The following APBB1IP variants were observed in gnomAD, a reference collection of about 807,000 sequenced individuals.
The protein encoded by APBB1IP is amyloid beta precursor protein binding family B member 1 interacting protein.
In APBB1IP, 27 loss-of-function variants were observed where a neutral mutation model predicts 64.9. That is an observed-to-expected ratio of 0.42 (90% confidence interval 0.31 to 0.57). The LOEUF (loss-of-function observed/expected upper bound fraction) is 0.57, where lower values mean the gene tolerates loss of function less well. Among genes scored for constraint, APBB1IP ranks in the 20% least tolerant of loss-of-function variants. The pLI, the probability that APBB1IP is intolerant of heterozygous loss-of-function variation, is 0.20. For missense variants in APBB1IP, 812 were observed against 845.5 expected, an observed-to-expected ratio of 0.96 and a Z score of 0.49; for synonymous variants, 392 against 331.0, an observed-to-expected ratio of 1.18 and a Z score of -2.00.
chr10:26,483,039 G>A (rs1835853776), intron 2 of APBB1IP, among the ~76,000 whole-genome samples: 1 of 131,970 alleles, frequency 7.6e-6, no homozygotes, highest in Non-Finnish European at 1.5e-5. Context: ...GCAGTGAGCC[G>A]AGATCACACC....
intron 8 of APBB1IP, among the ~76,000 whole-genome samples, chr10:26,523,455 G>A (rs978668934): frequency 1.3e-5 from 2 of 152,198 alleles, no homozygotes; most frequent in African/African-American, 4.8e-5. Context: ...GGGCCTTTGA[G>A]CCTTACCCTG....
At position 26,444,038 on chromosome 10, in the gene APBB1IP, G is replaced by A. The variant is rs182337103; in HGVS notation, c.-1+5185G>A. On this transcript the variant is annotated intron_variant, in intron 2 of 14. Coordinates refer to ENST00000376236, the MANE Select transcript of APBB1IP (RefSeq NM_019043.4). ...ATAGGTATTAGTAAGCGAAAAGCAA[G>A]GTGAAGTTGCAATATGCGATAAGGT... 3.6e-3 allele frequency among the ~76,000 whole-genome samples: 550 copies of A among 152,308 alleles called. 4 individuals are homozygous for A. The highest frequency in any genetic ancestry group is 0.012 in the African/African-American group (507 of 41,560).
At chr10:26,499,438 G>A (rs10764626) in intron 4 of APBB1IP, among the ~76,000 whole-genome samples, 1 of 151,934 alleles carries the variant, frequency 6.6e-6, no homozygotes, top group African/African-American at 2.4e-5. Context: ...AGCATTACTG[G>A]AATATGCTGT....
chr10:26,489,092 A>C (rs927911459), intron 2 of APBB1IP, among the ~76,000 whole-genome samples: 1 of 152,198 alleles, frequency 6.6e-6, no homozygotes, highest in African/African-American at 2.4e-5. Flanking sequence ...CACCTCCTAC[A>C]CTGGACGCCA....
intron 2 of APBB1IP, among the ~76,000 whole-genome samples, chr10:26,454,758 G>A (rs1835503676): frequency 6.6e-6 from 1 of 152,116 alleles, no homozygotes; most frequent in Non-Finnish European, 1.5e-5. Flanking sequence ...AATGCTGGAG[G>A]GGACGGATAC....
Position 26,531,198 on chromosome 10 carries a change from T to C in APBB1IP, c.814-2241T>C, listed in dbSNP as rs188849663. Among the ~76,000 whole-genome samples the C allele has an allele frequency of 1.7e-3, 260 of 152,046 alleles. 1 individual carries two copies. The highest frequency in any genetic ancestry group is 6.8e-3 in the Middle Eastern group (2 of 294). On this transcript the variant is annotated intron_variant, in intron 8 of 14. Coordinates refer to ENST00000376236, the MANE Select transcript of APBB1IP (RefSeq NM_019043.4). ...AAAAATACAAAAAGTTAGCTGGGCATGGTGGTGCACACCTGTAATCCCAGC... is the reference window on the plus strand; with the variant it reads ...AAAAATACAAAAAGTTAGCTGGGCACGGTGGTGCACACCTGTAATCCCAGC...
intron 2 of APBB1IP, among the ~76,000 whole-genome samples, chr10:26,452,750 G>A (rs557309501): frequency 6.6e-6 from 1 of 152,066 alleles, no homozygotes; most frequent in African/African-American, 2.4e-5. Context: ...GTGCAGTCTG[G>A]ACTTTCAGTG....
At chr10:26,528,453 T>C (rs1040437171) in intron 8 of APBB1IP, among the ~76,000 whole-genome samples, 3 of 152,122 alleles carry the variant, frequency 2.0e-5, no homozygotes, top group Non-Finnish European at 2.9e-5. Context: ...TTTGACCCCC[T>C]CTGTAAAGTT....
chr10:26,500,704 A>G (rs1836085972), intron 4 of APBB1IP, 115 bp from the exon 5 acceptor site: 1 of 998,260 alleles, frequency 1.0e-6, no homozygotes. Context: ...TCATATCATA[A>G]CCAATCAAGA....
chr10:26,484,406 G>A (rs556916594), intron 2 of APBB1IP, among the ~76,000 whole-genome samples: 3 of 152,266 alleles, frequency 2.0e-5, no homozygotes, highest in Admixed American at 6.5e-5. Flanking sequence ...GGGTTCAAGC[G>A]ATTCTTGTGC....
At chr10:26,510,117 A>T (rs1650377363) in intron 6 of APBB1IP, among the ~76,000 whole-genome samples, 1 of 152,070 alleles carries the variant, frequency 6.6e-6, no homozygotes, top group Non-Finnish European at 1.5e-5. Flanking sequence ...TTACAGGCAC[A>T]TGCCACCACG....
intron 2 of APBB1IP, among the ~76,000 whole-genome samples, chr10:26,484,388 C>T (rs948550586): frequency 2.6e-5 from 4 of 152,142 alleles, no homozygotes; most frequent in Non-Finnish European, 5.9e-5. Flanking sequence ...CTGCAAGCTC[C>T]GCCTCCCGGG....
chr10:26,513,116 G>A (rs755363838), intron 7 of APBB1IP, among the ~76,000 whole-genome samples: 20 of 152,046 alleles, frequency 1.3e-4, no homozygotes, highest in East Asian at 3.9e-4. Flanking sequence ...AAAAAATGTC[G>A]ATATGAAAAA....
At chr10:26,564,371 C>A (rs1837012606) in intron 14 of APBB1IP, among the ~76,000 whole-genome samples, 1 of 152,180 alleles carries the variant, frequency 6.6e-6, no homozygotes, top group Non-Finnish European at 1.5e-5. Flanking sequence ...CTACCAATAG[C>A]ACATGCTGGT....
rs148020914 is a variant in APBB1IP, at chr10:26,540,504, A to T, written c.1045-1078A>T. Among the ~76,000 whole-genome samples the T allele has an allele frequency of 6.0e-3, 913 of 151,224 alleles. 8 individuals are homozygous for T. Among genetic ancestry groups the T allele is most frequent in the African/African-American group, 0.021 (865 of 41,374 alleles). ...GAGGAAGATGTGCATTTTATTATTT[A>T]TATATATATATATTTTAAATGTGAC... On this transcript the variant is annotated intron_variant, in intron 10 of 14. Coordinates refer to ENST00000376236, the MANE Select transcript of APBB1IP (RefSeq NM_019043.4).
chr10:26,495,553 G>A (rs971346167), intron 3 of APBB1IP, among the ~76,000 whole-genome samples: 11 of 151,178 alleles, frequency 7.3e-5, no homozygotes, highest in Admixed American at 4.6e-4. Flanking sequence ...AGGCTCACAT[G>A]AGCCCAGGAG....
At chr10:26,519,273 A>C (rs1413380961) in intron 8 of APBB1IP, among the ~76,000 whole-genome samples, 2 of 152,184 alleles carry the variant, frequency 1.3e-5, no homozygotes, top group Non-Finnish European at 2.9e-5. Context: ...CCTGGGCAAC[A>C]AGAGCAAAAC....
chr10:26,487,647 G>A (rs1835908727), intron 2 of APBB1IP, among the ~76,000 whole-genome samples: 1 of 152,118 alleles, frequency 6.6e-6, no homozygotes, highest in Non-Finnish European at 1.5e-5. Flanking sequence ...ACGAGAACGC[G>A]CTGTTGTTTT....
At chr10:26,512,299 G>A (rs1836271378) in intron 7 of APBB1IP, among the ~76,000 whole-genome samples, 1 of 152,154 alleles carries the variant, frequency 6.6e-6, no homozygotes, top group Admixed American at 6.5e-5. Context: ...GTTCCATAAG[G>A]GAAAGAGAGT....
Sources: gnomAD v4.1 joint callset for allele counts (sites outside exome capture counted in the v4.1 genomes callset) on GRCh38, gnomAD v4.1.1 for gene constraint, MANE v1.5 for transcripts, NCBI Gene and HGNC (gene_info 2026-07-23, HGNC 2026-07-21) for gene names.